Variants in ARHGAP15 observed in about 807,000 individuals in gnomAD.
ARHGAP15 encodes Rho GTPase activating protein 15, also known as rho GTPase-activating protein 15.
ARHGAP15 carries 51 observed loss-of-function variants against 63.7 expected under a neutral mutation model. The observed-to-expected ratio is 0.80, with a 90% confidence interval of 0.64 to 1.01. The LOEUF (loss-of-function observed/expected upper bound fraction) is 1.01. Ranked by LOEUF, ARHGAP15 falls within the 50% of genes least tolerant of loss-of-function variation. The pLI, the probability that ARHGAP15 is intolerant of heterozygous loss-of-function variation, is 0.00. For synonymous variants in ARHGAP15, 191 were observed against 193.8 expected (o/e 0.99, Z 0.12); for missense variants, 560 against 564.6 (o/e 0.99, Z 0.08).
intron 10 of ARHGAP15, among the ~76,000 whole-genome samples, chr2:143,531,141 C>G (rs931928610): frequency 2.6e-5 from 4 of 152,004 alleles, no homozygotes; most frequent in African/African-American, 9.7e-5. Context: ...TGTGTGTGTT[C>G]TGTTCTGGAA....
chr2:143,517,818 C>T (rs990471577), intron 9 of ARHGAP15, among the ~76,000 whole-genome samples: 1 of 152,064 alleles, frequency 6.6e-6, no homozygotes, highest in African/African-American at 2.4e-5. Context: ...CAATGGAGTT[C>T]CATGAAGAAG....
At chr2:143,441,112 T>C (rs983331622) in intron 8 of ARHGAP15, among the ~76,000 whole-genome samples, 1 of 152,102 alleles carries the variant, frequency 6.6e-6, no homozygotes, top group Non-Finnish European at 1.5e-5. Context: ...CTTATTATTA[T>C]CCTCCATGTC....
chr2:143,490,447 A>T (rs1356205770), intron 9 of ARHGAP15, among the ~76,000 whole-genome samples: 2 of 152,188 alleles, frequency 1.3e-5, no homozygotes, highest in Non-Finnish European at 2.9e-5. Flanking sequence ...CGCCCATCAG[A>T]GTCACGTCCA....
intron 11 of ARHGAP15, among the ~76,000 whole-genome samples, chr2:143,567,427 C>T (rs1696274261): frequency 6.6e-6 from 1 of 152,170 alleles, no homozygotes; most frequent in South Asian, 2.1e-4. Flanking sequence ...AAACATACAG[C>T]CCCGAAAAGA....
At chr2:143,181,445 A>G (rs539413816) in intron 2 of ARHGAP15, among the ~76,000 whole-genome samples, 199 of 152,358 alleles carry the variant, frequency 1.3e-3, no homozygotes, top group African/African-American at 4.7e-3. Flanking sequence ...AAGGTATTTC[A>G]TCTACATTGA....
intron 6 of ARHGAP15, among the ~76,000 whole-genome samples, chr2:143,412,429 T>A (rs920256435): frequency 1.3e-5 from 2 of 152,168 alleles, no homozygotes; most frequent in Non-Finnish European, 2.9e-5. Context: ...TTAACAAAAA[T>A]TTCAGCTATC....
chr2:143,645,406 C>A (rs992686954), intron 12 of ARHGAP15, among the ~76,000 whole-genome samples: 1 of 151,958 alleles, frequency 6.6e-6, no homozygotes, highest in Non-Finnish European at 1.5e-5. Flanking sequence ...TATCTTGAAG[C>A]TTGAATTAAT....
At chr2:143,539,143 C>G (rs1423985220) in intron 10 of ARHGAP15, among the ~76,000 whole-genome samples, 1 of 152,168 alleles carries the variant, frequency 6.6e-6, no homozygotes, top group African/African-American at 2.4e-5. Flanking sequence ...TCCACTTCTT[C>G]TAGATTTTCT....
At chr2:143,353,464 T>A (rs1685665782) in intron 6 of ARHGAP15, among the ~76,000 whole-genome samples, 1 of 152,206 alleles carries the variant, frequency 6.6e-6, no homozygotes, top group Admixed American at 6.6e-5. Flanking sequence ...GTCTCTACAC[T>A]CTTTAGTTAG....
chr2:143,154,216 G>C (rs1423539216), intron 1 of ARHGAP15, among the ~76,000 whole-genome samples: 1 of 151,596 alleles, frequency 6.6e-6, no homozygotes, highest in African/African-American at 2.4e-5. Flanking sequence ...ATCAACCATT[G>C]AGCACATTGC....
chr2:143,387,848 C>CACACGCATGGACGCACATACACAT (rs573418092), intron 6 of ARHGAP15, among the ~76,000 whole-genome samples: 4 of 151,774 alleles, frequency 2.6e-5, no homozygotes, highest in Non-Finnish European at 5.9e-5. Flanking sequence ...CAAGCACACA[C>CACACGCATGGACGCACATACACAT]ACACGCATGG....
intron 12 of ARHGAP15, among the ~76,000 whole-genome samples, chr2:143,650,366 C>G (rs766638765): frequency 5.3e-5 from 8 of 151,920 alleles, no homozygotes; most frequent in Non-Finnish European, 1.0e-4. Flanking sequence ...CCACATCAAA[C>G]AAGTCACGTG....
At chr2:143,468,072 G>A (rs1325132689) in intron 8 of ARHGAP15, among the ~76,000 whole-genome samples, 1 of 151,908 alleles carries the variant, frequency 6.6e-6, no homozygotes, top group Admixed American at 6.6e-5. Flanking sequence ...TCTGCCATAG[G>A]GTGCCTTGTT....
chr2:143,761,530 C>T (rs1686759567), intron 13 of ARHGAP15, among the ~76,000 whole-genome samples: 1 of 152,140 alleles, frequency 6.6e-6, no homozygotes, highest in African/African-American at 2.4e-5. Context: ...AGTTCACATC[C>T]ATAAATCTGT....
At chr2:143,163,053 C>G (rs193196562) in intron 2 of ARHGAP15, among the ~76,000 whole-genome samples, 1 of 152,058 alleles carries the variant, frequency 6.6e-6, no homozygotes, top group Admixed American at 6.6e-5. Flanking sequence ...CTTGATTAAC[C>G]TAAAACACAG....
intron 11 of ARHGAP15, among the ~76,000 whole-genome samples, chr2:143,620,792 A>AAATTAGATAATGAAT (rs1698618005): frequency 6.6e-6 from 1 of 152,244 alleles, no homozygotes; most frequent in Non-Finnish European, 1.5e-5. Context: ...TAGAGTGCAT[A>AAATTAGATAATGAAT]GCACAGTCCC....
chr2:143,264,029 C>G (rs1161938609), intron 6 of ARHGAP15, among the ~76,000 whole-genome samples: 2 of 142,856 alleles, frequency 1.4e-5, no homozygotes, highest in African/African-American at 5.1e-5. Flanking sequence ...TCAAGCATCT[C>G]CATGAAGCCC....
intron 12 of ARHGAP15, among the ~76,000 whole-genome samples, chr2:143,673,037 A>G (rs1682607136): frequency 6.6e-6 from 1 of 152,234 alleles, no homozygotes; most frequent in East Asian, 1.9e-4. Flanking sequence ...AAAATTAAGA[A>G]AAGGGAACCA....
chr2:143,492,174 G>A (rs775023835), intron 9 of ARHGAP15, among the ~76,000 whole-genome samples: 1 of 152,082 alleles, frequency 6.6e-6, no homozygotes. Flanking sequence ...GAGCCACCGC[G>A]CCTGGCCCTG....
Sources: gnomAD v4.1 joint callset for allele counts (sites outside exome capture counted in the v4.1 genomes callset) on GRCh38, gnomAD v4.1.1 for gene constraint, MANE v1.5 for transcripts, NCBI Gene and HGNC (gene_info 2026-07-23, HGNC 2026-07-21) for gene names.